The following ZBTB20 variants were observed in gnomAD, a reference collection of about 807,000 sequenced individuals.
ZBTB20 encodes the protein zinc finger and BTB domain-containing protein 20.
In ZBTB20, 9 loss-of-function variants were observed where a neutral mutation model predicts 56.9. That is an observed-to-expected ratio of 0.16 (90% CI 0.10 to 0.28). ZBTB20 has a LOEUF of 0.28. Among genes scored for constraint, ZBTB20 ranks in the 10% least tolerant of loss-of-function variants. The pLI is 1.00. For missense variants in ZBTB20, 655 were observed against 1,003.0 expected (o/e 0.65, Z 4.69); for synonymous variants, 417 against 420.7 (o/e 0.99, Z 0.11).
At chr3:114,816,149 C>A (rs956829797) in intron 4 of ZBTB20, among the ~76,000 whole-genome samples, 5 of 152,156 alleles carry the variant, frequency 3.3e-5, no homozygotes, top group African/African-American at 4.8e-5. Flanking sequence ...AAAACTGTTA[C>A]AAAGTGGGCT....
At chr3:114,712,008 G>C (rs1264936808) in intron 5 of ZBTB20, among the ~76,000 whole-genome samples, 1 of 152,164 alleles carries the variant, frequency 6.6e-6, no homozygotes, top group Non-Finnish European at 1.5e-5. Flanking sequence ...TACAGTGCTG[G>C]ATGTAAAAGG....
intron 6 of ZBTB20, among the ~76,000 whole-genome samples, chr3:114,560,386 T>C (rs145158903): frequency 4.1e-4 from 62 of 152,324 alleles, no homozygotes; most frequent in Non-Finnish European, 5.7e-4. Flanking sequence ...GGTCCTGCTC[T>C]AAGTGCTTTA....
Position 114,746,132 on chromosome 3 carries a change from T to C in ZBTB20, c.-342-52557A>G, listed in dbSNP as rs564312447. The stretch of plus-strand genomic sequence containing the variant: ...ATGCTGATCAGATTGCCCTGGGCAA[T>C]TGAATACCTACTGAAGCCTTTGGGA... On this transcript the variant is annotated intron_variant, in intron 5 of 11. Coordinates refer to ENST00000675478, the MANE Select transcript of ZBTB20 (RefSeq NM_001348800.3). Among the ~76,000 whole-genome samples the C allele has an allele frequency of 3.9e-5, 6 of 152,296 alleles. No homozygotes were observed. In the South Asian group the frequency reaches 6.2e-4, roughly 16 times the overall value.
intron 4 of ZBTB20, among the ~76,000 whole-genome samples, chr3:114,855,064 C>T (rs2075182572): frequency 6.6e-6 from 1 of 152,122 alleles, no homozygotes; most frequent in Non-Finnish European, 1.5e-5. Flanking sequence ...GGCCATAATG[C>T]ATCGAATATT....
At chr3:114,451,884 C>G (rs951537670) in intron 7 of ZBTB20, among the ~76,000 whole-genome samples, 1 of 151,918 alleles carries the variant, frequency 6.6e-6, no homozygotes, top group Admixed American at 6.6e-5. Flanking sequence ...GTCAGATCCA[C>G]GAAGAATCCC....
At chr3:115,117,112 C>A (rs1451684266) in intron 1 of ZBTB20, among the ~76,000 whole-genome samples, 1 of 152,018 alleles carries the variant, frequency 6.6e-6, no homozygotes, top group Admixed American at 6.6e-5. Flanking sequence ...GTAACACTCT[C>A]CAGAGCTTTT....
intron 4 of ZBTB20, among the ~76,000 whole-genome samples, chr3:114,888,498 ATTACT>A (rs2076689978): frequency 6.6e-6 from 1 of 152,216 alleles, no homozygotes; most frequent in African/African-American, 2.4e-5. Context: ...TATACTGGAA[ATTACT>A]TAATTGGACA....
At chr3:114,402,357 A>G (rs1389695101) in intron 7 of ZBTB20, among the ~76,000 whole-genome samples, 2 of 152,188 alleles carry the variant, frequency 1.3e-5, no homozygotes, top group African/African-American at 2.4e-5. Flanking sequence ...GGAGTATTGA[A>G]TTGAAGAAGC....
At chr3:114,557,789 A>G (rs1559957346) in intron 6 of ZBTB20, among the ~76,000 whole-genome samples, 1 of 151,690 alleles carries the variant, frequency 6.6e-6, no homozygotes, top group Non-Finnish European at 1.5e-5. Context: ...GTGATTGAGA[A>G]ATGATTAAGA....
At chr3:115,031,963 T>C (rs1182388825) in intron 2 of ZBTB20, among the ~76,000 whole-genome samples, 1 of 151,420 alleles carries the variant, frequency 6.6e-6, no homozygotes, top group Non-Finnish European at 1.5e-5. Context: ...TTGCTCTTAA[T>C]ACCCTCATCA....
intron 6 of ZBTB20, among the ~76,000 whole-genome samples, chr3:114,646,368 T>C (rs1578141376): frequency 6.6e-6 from 1 of 152,100 alleles, no homozygotes; most frequent in African/African-American, 2.4e-5. Flanking sequence ...GAGTTTGTAT[T>C]TGGAGAAGGA....
intron 7 of ZBTB20, among the ~76,000 whole-genome samples, chr3:114,432,532 C>T (rs2090195073): frequency 1.3e-5 from 2 of 152,192 alleles, no homozygotes; most frequent in African/African-American, 4.8e-5. Flanking sequence ...CTATGCCTCT[C>T]ACTTCAGTAG....
intron 4 of ZBTB20, among the ~76,000 whole-genome samples, chr3:114,842,453 T>C (rs751673080): frequency 9.2e-5 from 14 of 152,156 alleles, no homozygotes; most frequent in Non-Finnish European, 1.9e-4. Context: ...AATAATTAGT[T>C]ATTAAGATAA....
At chr3:114,857,154 T>C (rs933066506) in intron 4 of ZBTB20, among the ~76,000 whole-genome samples, 6 of 152,074 alleles carry the variant, frequency 3.9e-5, no homozygotes, top group Non-Finnish European at 7.4e-5. Context: ...TCCTACCCCA[T>C]CCTCCATTTT....
intron 6 of ZBTB20, among the ~76,000 whole-genome samples, chr3:114,690,011 T>C (rs569549183): frequency 1.4e-4 from 21 of 151,848 alleles, no homozygotes; most frequent in African/African-American, 4.8e-4. Context: ...GAAAAAGAAA[T>C]GGAAAGAAAA....
intron 7 of ZBTB20, among the ~76,000 whole-genome samples, chr3:114,432,345 T>G (rs1362254012): frequency 1.3e-5 from 2 of 152,242 alleles, no homozygotes; most frequent in Non-Finnish European, 2.9e-5. Context: ...TAATTTGGCA[T>G]GCTTCTTTGA....
chr3:114,336,245 G>C lies in ZBTB20; in HGVS notation c.*2760C>G, dbSNP rs1399108457. 6.6e-6 allele frequency: 1 copy of C among 152,108 alleles called. No individual in the cohort carries two copies. Among genetic ancestry groups the C allele is most frequent in the Non-Finnish European group, 1.5e-5 (1 of 68,030 alleles). 9.4% of individuals were successfully genotyped at this position (152,108 alleles called of 1,614,324 possible). ...TCAATCTTCTCTTTTCATTTTATGGGTGGAATCACTTGTTTTCCAAAATAT... is the reference window on the plus strand; with the variant it reads ...TCAATCTTCTCTTTTCATTTTATGGCTGGAATCACTTGTTTTCCAAAATAT... On this transcript the variant is annotated 3_prime_UTR_variant, in exon 12 of 12. Transcript: ENST00000675478.
intron 1 of ZBTB20, among the ~76,000 whole-genome samples, chr3:115,125,944 T>C (rs987155782): frequency 6.6e-6 from 1 of 151,942 alleles, no homozygotes; most frequent in Non-Finnish European, 1.5e-5. Flanking sequence ...AAAGACAAGC[T>C]ACAAGGGAGA....
intron 6 of ZBTB20, among the ~76,000 whole-genome samples, chr3:114,512,516 G>A (rs1028395317): frequency 2.0e-5 from 3 of 152,084 alleles, no homozygotes; most frequent in Non-Finnish European, 4.4e-5. Flanking sequence ...CACCTGCCAT[G>A]ATGATTCCTC....
Sources: gnomAD v4.1 joint callset for allele counts (sites outside exome capture counted in the v4.1 genomes callset) on GRCh38, gnomAD v4.1.1 for gene constraint, MANE v1.5 for transcripts, NCBI Gene and HGNC (gene_info 2026-07-23, HGNC 2026-07-21) for gene names.